Variants in IL1RL1 observed in about 807,000 individuals in gnomAD.
IL1RL1 encodes the protein interleukin 1 receptor like 1.
IL1RL1 carries 32 observed loss-of-function variants against 50.9 expected under a neutral mutation model. The observed-to-expected ratio is 0.63, with a 90% confidence interval of 0.47 to 0.84. The LOEUF (loss-of-function observed/expected upper bound fraction) is 0.84, where lower values mean the gene tolerates loss of function less well. Ranked by LOEUF, IL1RL1 falls within the 40% of genes least tolerant of loss-of-function variation. IL1RL1 has a pLI of 0.00. For synonymous variants in IL1RL1, 275 were observed against 236.0 expected (o/e 1.17, Z -1.51); for missense variants, 773 against 662.9 (o/e 1.17, Z -1.82).
At chr2:102,315,928 A>G (rs1676660866) in intron 1 of IL1RL1, among the ~76,000 whole-genome samples, 1 of 152,218 alleles carries the variant, frequency 6.6e-6, no homozygotes, top group African/African-American at 2.4e-5. Context: ...TTTTCAGGAA[A>G]TTAGAGGTCT....
chr2:102,314,496 T>A (rs1286863794), intron 1 of IL1RL1, among the ~76,000 whole-genome samples: 1 of 152,184 alleles, frequency 6.6e-6, no homozygotes, highest in Non-Finnish European at 1.5e-5. Flanking sequence ...TAAAGAAGAC[T>A]TGATAACTTA....
chr2:102,342,083 G>A (rs1366369663), intron 5 of IL1RL1, 140 bp from the exon 6 acceptor site: 1 of 504,168 alleles, frequency 2.0e-6, no homozygotes, highest in Non-Finnish European at 3.6e-6. Context: ...GTGTGTGTGT[G>A]TGTGTTTGTC....
At chr2:102,334,062 G>A (rs750149142) in intron 1 of IL1RL1, among the ~76,000 whole-genome samples, 5 of 152,110 alleles carry the variant, frequency 3.3e-5, no homozygotes, top group African/African-American at 9.7e-5. Flanking sequence ...AGGTGGAGAG[G>A]TGTCTTTTTT....
chr2:102,336,880 C>A (rs1301792365), intron 1 of IL1RL1, among the ~76,000 whole-genome samples: 1 of 152,158 alleles, frequency 6.6e-6, no homozygotes, highest in Non-Finnish European at 1.5e-5. Flanking sequence ...ACCAATGCTG[C>A]CAAGGCTGGC....
chr2:102,315,003 G>C (rs534935956), intron 1 of IL1RL1, among the ~76,000 whole-genome samples: 1 of 152,324 alleles, frequency 6.6e-6, no homozygotes, highest in South Asian at 2.1e-4. Context: ...CAAACTTACA[G>C]TTTATCTGCT....
At chr2:102,333,255 G>A (rs1290941191) in intron 1 of IL1RL1, among the ~76,000 whole-genome samples, 1 of 152,192 alleles carries the variant, frequency 6.6e-6, no homozygotes, top group African/African-American at 2.4e-5. Flanking sequence ...AAATCCAAGT[G>A]AGAGACCATG....
chr2:102,334,716 C>T (rs1304716022), intron 1 of IL1RL1, among the ~76,000 whole-genome samples: 2 of 151,640 alleles, frequency 1.3e-5, no homozygotes, highest in African/African-American at 2.4e-5. Flanking sequence ...ACAGTAAGAG[C>T]AGGCCACACA....
intron 1 of IL1RL1, among the ~76,000 whole-genome samples, chr2:102,335,959 C>T (rs532355806): frequency 1.3e-5 from 2 of 152,084 alleles, no homozygotes; most frequent in Non-Finnish European, 2.9e-5. Flanking sequence ...TAATTTACGG[C>T]GAACATCTCA....
Position 102,341,068 on chromosome 2 carries a change from CT to C in IL1RL1, c.610+247del, listed in dbSNP as rs544653141. 104 of 720,502 alleles carry C rather than the reference CT, an allele frequency of 1.4e-4. No individual in the cohort carries two copies. The African/African-American group carries it at 1.6e-3, about 11-fold the overall frequency. 44.6% of individuals were successfully genotyped at this position (720,502 alleles called of 1,614,324 possible). A position where few individuals can be genotyped will look rare whatever the true frequency, so the allele number is the denominator to read the frequency against. On this transcript the variant is annotated intron_variant, in intron 5 of 10. Transcript: ENST00000233954. ...TTCAAAGCCACATCTGTTCTTTATT[CT>C]TTTTTTGTGACTTAATTTTCCAAAG... is the stretch of plus-strand genomic sequence containing the variant.
intron 1 of IL1RL1, among the ~76,000 whole-genome samples, chr2:102,312,232 T>C (rs904788655): frequency 4.1e-5 from 6 of 144,788 alleles, no homozygotes; most frequent in African/African-American, 1.3e-4. Flanking sequence ...GGAGTTTAAT[T>C]GTGTTTTGGT....
Position 102,345,881 on chromosome 2 carries a change from C to A in IL1RL1, c.971-2064C>A, listed in dbSNP as rs62152662. 2.1e-4 allele frequency: 202 copies of A among 985,358 alleles called. 1 individual carries two copies. The African/African-American group carries it at 3.3e-3, about 16-fold the overall frequency. 61.0% of individuals were successfully genotyped at this position (985,358 alleles called of 1,614,324 possible). A position where few individuals can be genotyped will look rare whatever the true frequency, so the allele number is the denominator to read the frequency against. On this transcript the variant is annotated intron_variant, in intron 8 of 10. Transcript: ENST00000233954. The stretch of plus-strand genomic sequence containing the variant: ...GTAGACCCTGCAGCCATCCATCCAG[C>A]CTGCCCACTCACACTGCCCTTGTGT...
intron 1 of IL1RL1, among the ~76,000 whole-genome samples, chr2:102,330,188 T>C (rs531566352): frequency 7.6e-4 from 115 of 152,246 alleles, no homozygotes; most frequent in African/African-American, 2.5e-3. Context: ...ATGTCCTTTG[T>C]AGGGACATGG....
rs1208620723 is a variant in IL1RL1, at chr2:102,351,556, A to G, written c.1306A>G (p.Thr436Ala). 6.2e-7 allele frequency: 1 copy of G among 1,614,016 alleles called. No individual in the cohort carries two copies. The highest frequency in any genetic ancestry group is 1.1e-5 in the South Asian group (1 of 91,060). Residue 436 changes from threonine to alanine, a missense_variant, in exon 11 of 11, where the codon ACC becomes GCC. By Grantham distance (58) the Thr-to-Ala change is moderately conservative (BLOSUM62 0). Transcript: ENST00000233954. ...PGEDVVTAVE[T>A]NIRKSRRHIF... is the part of the protein sequence containing the mutation. ...ACTAGATGTAGTCACTGCAGTGGAAACCAACATACGAAAGAGCAGGCGGCA... is the reference window on the plus strand; with the variant it reads ...ACTAGATGTAGTCACTGCAGTGGAAGCCAACATACGAAAGAGCAGGCGGCA...
At chr2:102,323,340 AT>A (rs142322791) in intron 1 of IL1RL1, among the ~76,000 whole-genome samples, 25,978 of 150,840 alleles carry the variant, frequency 0.17, 2,560 homozygotes, top group African/African-American at 0.26. Context: ...AAATACACAC[AT>A]TTTTAAGTGT....
At chr2:102,335,002 A>G (rs1677274547) in intron 1 of IL1RL1, among the ~76,000 whole-genome samples, 1 of 152,184 alleles carries the variant, frequency 6.6e-6, no homozygotes, top group African/African-American at 2.4e-5. Flanking sequence ...AGCTGGTTCA[A>G]TGAGCTTAGA....
intron 5 of IL1RL1, among the ~76,000 whole-genome samples, chr2:102,341,773 G>A (rs550959510): frequency 1.6e-4 from 24 of 152,104 alleles, no homozygotes; most frequent in Non-Finnish European, 2.9e-4. Context: ...TCAGAATTCC[G>A]TACGGGGAAG....
At chr2:102,342,979 A>ATTT in intron 6 of IL1RL1, 57 bp from the exon 7 acceptor site, 1 of 1,555,520 alleles carries the variant, frequency 6.4e-7, no homozygotes, top group Non-Finnish European at 8.8e-7. Context: ...ATTAAATGGG[A>ATTT]TAAAATGCCA....
intron 8 of IL1RL1, chr2:102,344,925 C>T: frequency 2.1e-6 from 2 of 969,052 alleles, no homozygotes; most frequent in Non-Finnish European, 2.5e-6. Flanking sequence ...TATAATTTGA[C>T]ACAATAAAAG....
chr2:102,332,367 G>A (rs900925186), intron 1 of IL1RL1, among the ~76,000 whole-genome samples: 1 of 152,146 alleles, frequency 6.6e-6, no homozygotes, highest in African/African-American at 2.4e-5. Flanking sequence ...ACCGATAGCA[G>A]CATTATTCAA....
Sources: gnomAD v4.1 joint callset for allele counts (sites outside exome capture counted in the v4.1 genomes callset) on GRCh38, gnomAD v4.1.1 for gene constraint, MANE v1.5 for transcripts, NCBI Gene and HGNC (gene_info 2026-07-23, HGNC 2026-07-21) for gene names.